The following SOX5 variants were observed in gnomAD, a reference collection of about 807,000 sequenced individuals.
SOX5 encodes transcription factor SOX-5.
A neutral mutation model predicts 92.0 loss-of-function variants in SOX5; 9 were observed. The ratio of observed to expected loss-of-function variants is 0.10; its 90% CI spans 0.06 to 0.17. The LOEUF is 0.17. SOX5 is among the 10% of genes least tolerant of loss of function. The probability of loss-of-function intolerance (pLI) is 1.00; values close to 1 mark genes in which losing one functional copy is unlikely to be tolerated. For missense variants in SOX5, 642 were observed against 944.5 expected, an observed-to-expected ratio of 0.68 and a Z score of 4.20; for synonymous variants, 344 against 336.3, an observed-to-expected ratio of 1.02 and a Z score of -0.25.
At chr12:24,410,666 A>G (rs1241716163) in intron 1 of SOX5, among the ~76,000 whole-genome samples, 3 of 152,218 alleles carry the variant, frequency 2.0e-5, no homozygotes, top group African/African-American at 7.2e-5. Flanking sequence ...CTCCATTGAT[A>G]TAAGTGTCTA....
chr12:24,126,434 G>A (rs1052757818), intron 4 of SOX5, among the ~76,000 whole-genome samples: 2 of 152,098 alleles, frequency 1.3e-5, no homozygotes, highest in Admixed American at 1.3e-4. Context: ...CGAAAACCAG[G>A]ATAGCACCCT....
intron 1 of SOX5, among the ~76,000 whole-genome samples, chr12:24,527,481 G>T (rs937583152): frequency 6.6e-6 from 1 of 152,202 alleles, no homozygotes; most frequent in Non-Finnish European, 1.5e-5. Flanking sequence ...AATAGTGAAA[G>T]CTGGTTTGGG....
At chr12:24,143,519 A>T (rs1330237975) in intron 4 of SOX5, among the ~76,000 whole-genome samples, 1 of 152,160 alleles carries the variant, frequency 6.6e-6, no homozygotes, top group Non-Finnish European at 1.5e-5. Context: ...CCCAAATCTA[A>T]CTTCTAGATA....
At chr12:23,736,219 C>T (rs1360183239) in intron 5 of SOX5, among the ~76,000 whole-genome samples, 2 of 151,410 alleles carry the variant, frequency 1.3e-5, no homozygotes, top group South Asian at 2.1e-4. Flanking sequence ...CTCAGCATTT[C>T]GGGAGGCTGA....
chr12:23,791,001 C>T lies in SOX5; in HGVS notation c.482-35277G>A, dbSNP rs574781983. On this transcript the variant is annotated intron_variant, in intron 3 of 14. Coordinates refer to ENST00000451604, the MANE Select transcript of SOX5 (RefSeq NM_006940.6). ...TAATTCTTCCATTCTTCCAATGTCC[C>T]TCATCTCAGTAAATAACGTTACCAG... 5.3e-4 allele frequency among the ~76,000 whole-genome samples: 80 copies of T among 152,272 alleles called. 3 individuals carry two copies. Among genetic ancestry groups the T allele is most frequent in the Admixed American group, 2.2e-3 (33 of 15,266 alleles).
In SOX5 at chr12:23,715,087, C is replaced by T. The variant is rs149538814; in HGVS notation, c.810+19597G>A. On this transcript the variant is annotated intron_variant, in intron 6 of 14. Coordinates refer to ENST00000451604, the MANE Select transcript of SOX5 (RefSeq NM_006940.6). ...GGCCGAGGCGGGCGGATCACGAGGT[C>T]AGGAGATCAAGACCATCCTGGCTAA... Among the ~76,000 whole-genome samples, 1,186 of 152,090 alleles carry T rather than the reference C, an allele frequency of 7.8e-3. 6 individuals carry two copies. The highest frequency in any genetic ancestry group is 0.012 in the Non-Finnish European group (814 of 67,982).
At chr12:23,541,433 G>A (rs1282731502) in intron 13 of SOX5, among the ~76,000 whole-genome samples, 1 of 152,072 alleles carries the variant, frequency 6.6e-6, no homozygotes, top group Non-Finnish European at 1.5e-5. Flanking sequence ...CTTACATAAA[G>A]TATTCTTTTC....
intron 3 of SOX5, among the ~76,000 whole-genome samples, chr12:24,260,040 A>G (rs2728854): frequency 0.65 from 98,317 of 152,074 alleles, 34,571 homozygotes; most frequent in East Asian, 0.95. Context: ...AGAAATAAAT[A>G]TTTCTTGGAA....
intron 4 of SOX5, among the ~76,000 whole-genome samples, chr12:24,026,175 C>T (rs1220520533): frequency 6.6e-6 from 1 of 151,982 alleles, no homozygotes; most frequent in Non-Finnish European, 1.5e-5. Flanking sequence ...CTTTTGCTTC[C>T]TAAAGGAAAT....
At chr12:24,515,852 G>A (rs527446341) in intron 1 of SOX5, among the ~76,000 whole-genome samples, 1 of 152,234 alleles carries the variant, frequency 6.6e-6, no homozygotes, top group East Asian at 1.9e-4. Context: ...TGTTTTGTAA[G>A]CTGAAATATA....
At chr12:23,735,814 ACTTCTACATTTAC>A (rs2093569765) in intron 5 of SOX5, among the ~76,000 whole-genome samples, 1 of 152,142 alleles carries the variant, frequency 6.6e-6, no homozygotes, top group Non-Finnish European at 1.5e-5. Flanking sequence ...TTCTACATTT[ACTTCTACATTTAC>A]CTTCTACATT....
chr12:24,333,869 G>T (rs1218252105), intron 2 of SOX5, among the ~76,000 whole-genome samples: 1 of 145,566 alleles, frequency 6.9e-6, no homozygotes, highest in African/African-American at 2.5e-5. Flanking sequence ...AAAAAAAAAA[G>T]GTAGGGGGAG....
chr12:24,294,157 G>A (rs915130480), intron 2 of SOX5, among the ~76,000 whole-genome samples: 2 of 152,174 alleles, frequency 1.3e-5, no homozygotes, highest in African/African-American at 4.8e-5. Context: ...GTATCCATCT[G>A]TTCGCCTTCA....
chr12:24,440,690 C>G (rs11047441), intron 1 of SOX5, among the ~76,000 whole-genome samples: 46,895 of 150,368 alleles, frequency 0.31, 7,470 homozygotes, highest in Middle Eastern at 0.37. Context: ...ACTGGAATTT[C>G]TGTGACCATA....
At chr12:24,179,359 T>A (rs563345628) in intron 4 of SOX5, among the ~76,000 whole-genome samples, 15 of 152,290 alleles carry the variant, frequency 9.8e-5, no homozygotes, top group South Asian at 6.2e-4. Context: ...TTTACCACAG[T>A]ACAAAATGAT....
At chr12:24,362,668 A>G (rs1955713386) in intron 2 of SOX5, among the ~76,000 whole-genome samples, 1 of 152,186 alleles carries the variant, frequency 6.6e-6, no homozygotes, top group Non-Finnish European at 1.5e-5. Context: ...GGACTCTGTG[A>G]TCAGGTAAGG....
chr12:23,616,262 CA>C (rs1312692412), intron 8 of SOX5, among the ~76,000 whole-genome samples: 3 of 152,180 alleles, frequency 2.0e-5, no homozygotes, highest in Non-Finnish European at 2.9e-5. Flanking sequence ...CGGAAAGGGA[CA>C]GGGGTAGAGA....
At chr12:24,318,293 T>A (rs1426746448) in intron 2 of SOX5, among the ~76,000 whole-genome samples, 1 of 152,222 alleles carries the variant, frequency 6.6e-6, no homozygotes, top group Non-Finnish European at 1.5e-5. Flanking sequence ...GTTTCAAGGA[T>A]GTAAGCAAAA....
At chr12:23,816,692 T>C (rs944117846) in intron 3 of SOX5, among the ~76,000 whole-genome samples, 7 of 152,256 alleles carry the variant, frequency 4.6e-5, no homozygotes, top group East Asian at 1.9e-4. Flanking sequence ...CAACTGAGCA[T>C]TGTTAGAGCA....
Sources: gnomAD v4.1 joint callset for allele counts (sites outside exome capture counted in the v4.1 genomes callset) on GRCh38, gnomAD v4.1.1 for gene constraint, MANE v1.5 for transcripts, NCBI Gene and HGNC (gene_info 2026-07-23, HGNC 2026-07-21) for gene names.